Variants in SLC12A4 observed in about 807,000 individuals in gnomAD.
The protein encoded by SLC12A4 is solute carrier family 12 member 4.
SLC12A4 carries 84 observed loss-of-function variants against 119.2 expected under a neutral mutation model. That is an observed-to-expected ratio of 0.70 (90% CI 0.59 to 0.85). The LOEUF is 0.85. SLC12A4 is among the 40% of genes least tolerant of loss of function. SLC12A4 has a pLI of 0.00. For missense variants in SLC12A4, 1,298 were observed against 1,476.3 expected, an observed-to-expected ratio of 0.88 and a Z score of 1.98; for synonymous variants, 599 against 604.6, an observed-to-expected ratio of 0.99 and a Z score of 0.14.
At chr16:67,964,919 A>G (rs1276070321) in intron 1 of SLC12A4, among the ~76,000 whole-genome samples, 2 of 152,234 alleles carry the variant, frequency 1.3e-5, no homozygotes, top group Non-Finnish European at 2.9e-5. Context: ...TTATCCCCCA[A>G]GGAAACTAAC....
Position 67,944,014 on chromosome 16 carries a change from C to A in SLC12A4, c.*826G>T. ...GGCGTGGTGTGCGGGGGGAAGAGCA[C>A]ATTGAGGAGCCAGAAGGGGGCGGCA... On this transcript the variant is annotated 3_prime_UTR_variant, in exon 24 of 24. Transcript: ENST00000316341. The surrounding 1 kb of genome is among the most constrained non-coding windows in gnomAD (Gnocchi z 6.6). 6.5e-7 allele frequency: 1 copy of A among 1,548,136 alleles called. No homozygotes were observed. Among genetic ancestry groups the A allele is most frequent in the Non-Finnish European group, 8.7e-7 (1 of 1,145,786 alleles).
At position 67,951,436 on chromosome 16, in the gene SLC12A4, C is replaced by T. The variant is rs943652838; in HGVS notation, c.1133-132G>A. 9 of 1,005,758 alleles carry T rather than the reference C, an allele frequency of 8.9e-6. No individual in the cohort carries two copies. Among genetic ancestry groups the T allele is most frequent in the South Asian group, 1.6e-5 (1 of 62,508 alleles). The allele number at this position is 1,005,758 out of a possible 1,614,324, so 62.3% of individuals were successfully genotyped here. A position where few individuals can be genotyped will look rare whatever the true frequency, so the allele number is the denominator to read the frequency against. On this transcript the variant is annotated intron_variant, in intron 8 of 23. Coordinates refer to ENST00000316341, the MANE Select transcript of SLC12A4 (RefSeq NM_005072.5). This position sits in a 1 kb window ranked among gnomAD's most constrained non-coding sequence, Gnocchi z 5.2. ...AACAGCTTCAGCCCAATGACTGCAG[C>T]GTCAGCCACAGGGCTACCCTGACCA...
chr16:67,957,192 C>T (rs1364905458), intron 5 of SLC12A4, among the ~76,000 whole-genome samples: 5 of 142,956 alleles, frequency 3.5e-5, no homozygotes, highest in Non-Finnish European at 7.5e-5. Flanking sequence ...TTTTTTGCGA[C>T]GGAGTCTCGC....
In SLC12A4 at chr16:67,947,747, A is replaced by G. The variant is rs1253563450; in HGVS notation, c.1889T>C (p.Met630Thr). The G allele has an allele frequency of 8.1e-6, 13 of 1,600,894 alleles. 1 individual carries two copies. In the East Asian group the frequency reaches 9.0e-5, roughly 11 times the overall value. ...GGCATAGTACCAGGAGGAGACAAAC[A>G]TAAGGGCCAGGCAGAGACTCATGCC... Reference protein sequence around the residue: ...FLGMSLCLALMFVSSWYYALV... With the variant: ...FLGMSLCLALTFVSSWYYALV... Residue 630 changes from methionine (M) to threonine (T), a missense_variant, in exon 15 of 24, where the codon ATG (methionine) becomes ACG (threonine). By Grantham distance (81) the Met-to-Thr change is moderately conservative. Transcript: ENST00000316341.
Position 67,946,263 on chromosome 16 carries a change from C to T in SLC12A4, c.2515G>A (p.Glu839Lys), listed in dbSNP as rs146900494. The change falls in exon 19 of 24, where the codon GAG becomes AAG. Residue 839 changes from glutamate to lysine, a missense_variant. Physicochemically the swap from Glu to Lys is moderately conservative, Grantham distance 56. Transcript: ENST00000316341. Reference sequence around the variant, plus strand: ...TCTATGTGGCCCTCCAGGTAGCGCTCGTGGTTGCTGGGGTAGAAGGCGATG... The same window carrying T: ...TCTATGTGGCCCTCCAGGTAGCGCTTGTGGTTGCTGGGGTAGAAGGCGATG... ...KNIAFYPSNHERYLEGHIDVW... is the reference protein window; with the variant it reads ...KNIAFYPSNHKRYLEGHIDVW... The T allele has an allele frequency of 4.3e-5, 70 of 1,613,632 alleles. 2 individuals carry two copies. The South Asian group carries it at 4.6e-4, about 11-fold the overall frequency.
Position 67,943,911 on chromosome 16 carries a change from T to C in SLC12A4, c.*929A>G, listed in dbSNP as rs1003800705. ...GGGCTGGGGCCCAGGCTCCCCAGGGTCTGGCGTGGTGCATCAGGGGCCTGG... is the reference window on the plus strand; with the variant it reads ...GGGCTGGGGCCCAGGCTCCCCAGGGCCTGGCGTGGTGCATCAGGGGCCTGG... On this transcript the variant is annotated 3_prime_UTR_variant, in exon 24 of 24. Transcript: ENST00000316341. The surrounding 1 kb of genome is among the most constrained non-coding windows in gnomAD (Gnocchi z 4.6). 120 of 1,518,824 alleles carry C rather than the reference T, an allele frequency of 7.9e-5. No individual in the cohort carries two copies. The highest frequency in any genetic ancestry group is 9.9e-5 in the Non-Finnish European group (112 of 1,126,530). 94.1% of individuals were successfully genotyped at this position (1,518,824 alleles called of 1,614,324 possible).
chr16:67,943,833 C>T lies in SLC12A4; in HGVS notation c.*1007G>A, dbSNP rs2058310277. 1 of 1,017,784 alleles carries T rather than the reference C, an allele frequency of 9.8e-7. No individual in the cohort carries two copies. Among genetic ancestry groups the T allele is most frequent in the Non-Finnish European group, 1.4e-6 (1 of 706,044 alleles). 63.0% of individuals were successfully genotyped at this position (1,017,784 alleles called of 1,614,324 possible). On this transcript the variant is annotated 3_prime_UTR_variant, in exon 24 of 24. Coordinates refer to ENST00000316341, the MANE Select transcript of SLC12A4 (RefSeq NM_005072.5). The surrounding 1 kb of genome is among the most constrained non-coding windows in gnomAD (Gnocchi z 4.6). ...GCCCCTCCCCACACCAGGGCAGGTA[C>T]TTATGTCGGGGCTTATGCAGGGCAG...
intron 1 of SLC12A4, chr16:67,966,970 C>T: frequency 7.8e-7 from 1 of 1,276,654 alleles, no homozygotes; most frequent in Admixed American, 2.9e-5. Context: ...TCTGCCTGCC[C>T]ACTGGTCCAG....
Position 67,952,398 on chromosome 16 carries a change from A to T in SLC12A4, c.703T>A (p.Phe235Ile), listed in dbSNP as rs1304912364. Residue 235 changes from phenylalanine to isoleucine, a missense_variant, in exon 7 of 24, where the codon TTT becomes ATT. Transcript: ENST00000316341. ...GTGTCATGAGCACCCGATGGGTAAA[A>T]AATGGCAGCTGGTGGGGCAATGTAG... The part of the protein sequence containing the change: ...LTYIAPPAAI[F>I]YPSGAHDTSN... 1 of 1,614,186 alleles carries T rather than the reference A, an allele frequency of 6.2e-7. No homozygotes were observed.
intron 2 of SLC12A4, chr16:67,962,755 G>A (rs2030649168): frequency 6.6e-6 from 1 of 152,160 alleles, no homozygotes; most frequent in Non-Finnish European, 1.5e-5. Context: ...GAGAATCGCT[G>A]AGCTTGGAAG....
chr16:67,944,781 C>T lies in SLC12A4; in HGVS notation c.*59G>A, dbSNP rs1436496371. ...GCTGGGAAGAGGCTGTTACCCCAGA[C>T]CACAGCTTGTTATGTCCTGGCCAAG... On this transcript the variant is annotated 3_prime_UTR_variant, in exon 24 of 24. Transcript: ENST00000316341. This position sits in a 1 kb window ranked among gnomAD's most constrained non-coding sequence, Gnocchi z 6.6. The T allele has an allele frequency of 4.0e-5, 63 of 1,590,150 alleles. No homozygotes were observed. The highest frequency in any genetic ancestry group is 5.2e-5 in the Non-Finnish European group (61 of 1,169,954).
intron 2 of SLC12A4, 118 bp downstream of exon 2, chr16:67,963,347 G>A: frequency 3.3e-6 from 2 of 610,692 alleles, no homozygotes; most frequent in Non-Finnish European, 5.6e-6. Flanking sequence ...ATGAGAACCA[G>A]GAACACAAGA....
Position 67,950,232 on chromosome 16 carries a change from G to A in SLC12A4, c.1629+87C>T, listed in dbSNP as rs1414446397. 5.4e-6 allele frequency: 8 copies of A among 1,487,838 alleles called. No individual in the cohort carries two copies. Among genetic ancestry groups the A allele is most frequent in the South Asian group, 2.5e-5 (2 of 79,198 alleles). 92.2% of individuals were successfully genotyped at this position (1,487,838 alleles called of 1,614,324 possible). ...CCCCGGGGGCCAATAAGGGCAGGAC[G>A]TGCTGCATCTGTGTTCCCTATCTCT... is the stretch of plus-strand genomic sequence containing the variant. On this transcript the variant is annotated intron_variant, in intron 12 of 23. Transcript: ENST00000316341. This position sits in a 1 kb window ranked among gnomAD's most constrained non-coding sequence, Gnocchi z 4.3.
In SLC12A4 at chr16:67,947,363, C is replaced by T. The variant is rs771080143; in HGVS notation, c.2040G>A (p.Leu680=). ...TCTTGGTGTGAGGAGGCCCCTCCTC[C>T]AGCCGCAACAGCGCGTAGCGGGCAG... is the stretch of plus-strand genomic sequence containing the variant. The part of the protein sequence containing the change: ...LSAARYALLR[L]EEGPPHTKNW... Residue 680 remains leucine (L), a synonymous_variant, in exon 16 of 24, where the codon CTG becomes CTA. Coordinates refer to ENST00000316341, the MANE Select transcript of SLC12A4 (RefSeq NM_005072.5). 1.2e-6 allele frequency: 2 copies of T among 1,612,602 alleles called. No individual in the cohort carries two copies. Among genetic ancestry groups the T allele is most frequent in the Non-Finnish European group, 1.7e-6 (2 of 1,179,794 alleles).
chr16:67,968,620 G>T lies in SLC12A4; in HGVS notation c.-67C>A. ...CGCCGCTGTCCCCGCCGCTGTCCCC[G>T]CCGCCCCGGGCCGACACGCCCCGCC... On this transcript the variant is annotated 5_prime_UTR_variant, in exon 1 of 24. Transcript: ENST00000316341. The T allele has an allele frequency of 7.6e-7, 1 of 1,315,124 alleles. No homozygotes were observed. The highest frequency in any genetic ancestry group is 9.6e-7 in the Non-Finnish European group (1 of 1,038,906). The allele number at this position is 1,315,124 out of a possible 1,614,324, so 81.5% of individuals were successfully genotyped here. A position where few individuals can be genotyped will look rare whatever the true frequency, so the allele number is the denominator to read the frequency against.
chr16:67,963,393 C>G (rs898599592), intron 2 of SLC12A4, 72 bp downstream of exon 2: 11 of 960,850 alleles, frequency 1.1e-5, no homozygotes, highest in Non-Finnish European at 1.7e-5. Flanking sequence ...AGGAGGCCCA[C>G]GTGTCCAGCC....
At chr16:67,947,534 A>C in intron 15 of SLC12A4, 99 bp from the exon 16 acceptor site, 1 of 1,487,792 alleles carries the variant, frequency 6.7e-7, no homozygotes, top group Non-Finnish European at 9.1e-7. Context: ...AAGACCACCC[A>C]GGGGTCCTGA....
At position 67,958,060 on chromosome 16, in the gene SLC12A4, G is replaced by A; in HGVS notation, c.343-16C>T. On this transcript the variant is annotated splice_polypyrimidine_tract_variant and intron_variant, in intron 3 of 23. Coordinates refer to ENST00000316341, the MANE Select transcript of SLC12A4 (RefSeq NM_005072.5). ...TGCTGGGTGCCTATGCGAACACAAA[G>A]GGAGGGGGCGAGTAGAGCATCAGAG... is the stretch of plus-strand genomic sequence containing the variant. 2 of 1,611,796 alleles carry A rather than the reference G, an allele frequency of 1.2e-6. No homozygotes were observed.
At chr16:67,963,733 T>C (rs2030707479) in intron 1 of SLC12A4, among the ~76,000 whole-genome samples, 174 bp from the exon 2 acceptor site, 1 of 152,188 alleles carries the variant, frequency 6.6e-6, no homozygotes, top group Admixed American at 6.5e-5. Context: ...GGCCCAGGGA[T>C]AGCCAGAGAG....
Sources: gnomAD v4.1 joint callset for allele counts (sites outside exome capture counted in the v4.1 genomes callset) on GRCh38, gnomAD v4.1.1 for gene constraint, Gnocchi (gnomAD v3.1) non-coding constraint, MANE v1.5 for transcripts, NCBI Gene and HGNC (gene_info 2026-07-23, HGNC 2026-07-21) for gene names.